TRPC5: variants seen among roughly 807,000 people sequenced by gnomAD.
TRPC5 encodes the protein short transient receptor potential channel 5.
TRPC5 carries 9 observed loss-of-function variants against 56.5 expected under a neutral mutation model. That is an observed-to-expected ratio of 0.16 (90% CI 0.10 to 0.28). TRPC5 has a LOEUF of 0.28. Ranked by LOEUF, TRPC5 falls within the 10% of genes least tolerant of loss-of-function variation. The pLI, the probability that TRPC5 is intolerant of heterozygous loss-of-function variation, is 1.00. For missense variants in TRPC5, 469 were observed against 748.9 expected, an observed-to-expected ratio of 0.63 and a Z score of 4.36; for synonymous variants, 282 against 278.5, an observed-to-expected ratio of 1.01 and a Z score of -0.13.
intron 3 of TRPC5, chrX:111,902,291 C>A: frequency 3.8e-6 from 2 of 531,207 alleles, no homozygotes; most frequent in South Asian, 4.4e-5. Context: ...TCTCATAGTT[C>A]TGCACATTTT....
chrX:112,041,188 G>T (rs1929882731), intron 1 of TRPC5, among the ~76,000 whole-genome samples: 1 of 112,176 alleles, frequency 8.9e-6, no homozygotes, highest in South Asian at 3.7e-4. Flanking sequence ...GAATTTGGGG[G>T]TGGCAGGCAC....
At chrX:111,869,217 G>C (rs1923649783) in intron 3 of TRPC5, among the ~76,000 whole-genome samples, 1 of 108,820 alleles carries the variant, frequency 9.2e-6, no homozygotes, top group African/African-American at 3.4e-5. Flanking sequence ...TTTGACAAAA[G>C]TTTAGGTCCA....
intron 1 of TRPC5, among the ~76,000 whole-genome samples, chrX:111,972,581 C>G (rs1927813917): frequency 8.9e-6 from 1 of 112,313 alleles, no homozygotes; most frequent in Non-Finnish European, 1.9e-5. Context: ...GCACTGCGTG[C>G]TTGGTGCGTG....
chrX:111,905,838 C>T (rs1925587149), intron 3 of TRPC5, among the ~76,000 whole-genome samples: 1 of 104,267 alleles, frequency 9.6e-6, no homozygotes, highest in African/African-American at 3.6e-5. Flanking sequence ...TGGCGTGAAC[C>T]TGGGAGGCGG....
At chrX:112,058,706 ACTTG>A (rs1930394483) in intron 1 of TRPC5, among the ~76,000 whole-genome samples, 1 of 112,142 alleles carries the variant, frequency 8.9e-6, no homozygotes, top group Admixed American at 9.4e-5. Flanking sequence ...AAGCGATGTG[ACTTG>A]CTTAAGATTT....
chrX:112,031,553 C>A (rs1389630634), intron 1 of TRPC5, among the ~76,000 whole-genome samples: 2 of 110,876 alleles, frequency 1.8e-5, no homozygotes, highest in Non-Finnish European at 3.8e-5. Context: ...AAAAAATAAA[C>A]ATTTAAAATA....
chrX:111,976,686 A>C (rs999137479), intron 1 of TRPC5, among the ~76,000 whole-genome samples: 3 of 111,257 alleles, frequency 2.7e-5, no homozygotes, highest in African/African-American at 9.8e-5. Flanking sequence ...GGAAAGGAAG[A>C]AGTAAAATTA....
chrX:111,873,668 C>T (rs1209764052), intron 3 of TRPC5, among the ~76,000 whole-genome samples: 1 of 110,613 alleles, frequency 9.0e-6, no homozygotes, highest in East Asian at 2.8e-4. Flanking sequence ...CCTGTAATCC[C>T]AGCTACTAGG....
At chrX:111,899,777 CA>C (rs1242104103) in intron 3 of TRPC5, among the ~76,000 whole-genome samples, 9 of 111,274 alleles carry the variant, frequency 8.1e-5, no homozygotes, top group Non-Finnish European at 1.5e-4. Context: ...AAATAAATGC[CA>C]AATTCCTTTC....
At chrX:112,072,137 C>T (rs909976049) in intron 1 of TRPC5, among the ~76,000 whole-genome samples, 2 of 112,008 alleles carry the variant, frequency 1.8e-5, no homozygotes, top group African/African-American at 6.5e-5. Flanking sequence ...TAACGAGGAG[C>T]ACGAACTTTG....
chrX:111,899,401 T>A (rs1212674707), intron 3 of TRPC5, among the ~76,000 whole-genome samples: 1 of 111,597 alleles, frequency 9.0e-6, no homozygotes. Flanking sequence ...TATTCCAATT[T>A]TTTTCCAGTT....
At chrX:111,992,950 G>A (rs1010784844) in intron 1 of TRPC5, among the ~76,000 whole-genome samples, 5 of 110,199 alleles carry the variant, frequency 4.5e-5, no homozygotes, top group South Asian at 3.9e-4. Flanking sequence ...TGTGCACAAC[G>A]TGCAGGTTTG....
rs1042070735 is a variant in TRPC5 at position 111,771,113 on chromosome X, G to T, written c.*5200C>A. 9.0e-6 allele frequency among the ~76,000 whole-genome samples: 1 copy of T among 111,507 alleles called. No homozygotes were observed. Among genetic ancestry groups the T allele is most frequent in the Admixed American group, 9.6e-5 (1 of 10,468 alleles). The stretch of plus-strand genomic sequence containing the variant: ...TGGAGTTATAAAGAAAGTTCTTTGA[G>T]GGGGAGGAGGGTAGGACAGATACAT... On this transcript the variant is annotated 3_prime_UTR_variant, in exon 11 of 11. Transcript: ENST00000262839.
chrX:112,004,630 C>G (rs111664177), intron 1 of TRPC5, among the ~76,000 whole-genome samples: 9,629 of 111,226 alleles, frequency 0.087, 643 homozygotes, highest in African/African-American at 0.23. Context: ...GAGATGGATC[C>G]CAGCAAGTTG....
At chrX:111,820,962 A>G (rs1922013303) in intron 7 of TRPC5, among the ~76,000 whole-genome samples, 3 of 111,544 alleles carry the variant, frequency 2.7e-5, no homozygotes, top group African/African-American at 9.8e-5. Flanking sequence ...ATAACCTCCT[A>G]GAATATCCAT....
intron 7 of TRPC5, among the ~76,000 whole-genome samples, chrX:111,834,361 T>G (rs1922502941): frequency 9.0e-6 from 1 of 111,120 alleles, no homozygotes; most frequent in African/African-American, 3.3e-5. Flanking sequence ...GAGGCTGAGG[T>G]GGGAGGATCA....
chrX:111,973,969 C>T (rs759058858), intron 1 of TRPC5, among the ~76,000 whole-genome samples: 62 of 110,828 alleles, frequency 5.6e-4, no homozygotes, highest in Non-Finnish European at 1.1e-3. Flanking sequence ...ACTGTTCTGT[C>T]GACAGTTTAG....
intron 1 of TRPC5, among the ~76,000 whole-genome samples, chrX:111,998,573 A>G (rs944256658): frequency 9.8e-5 from 11 of 112,199 alleles, no homozygotes; most frequent in Admixed American, 4.7e-4. Context: ...AGCCCTCTGT[A>G]TCCACGGATT....
chrX:111,941,007 G>C (rs1926762733), intron 2 of TRPC5, among the ~76,000 whole-genome samples: 1 of 112,045 alleles, frequency 8.9e-6, no homozygotes, highest in Admixed American at 9.5e-5. Context: ...TAAATGTTAA[G>C]TCTCCACCCT....
Sources: allele counts gnomAD v4.1 joint callset (sites outside exome capture counted in the v4.1 genomes callset), GRCh38; gene constraint gnomAD v4.1.1; transcripts MANE v1.5; gene names NCBI Gene and HGNC (gene_info 2026-07-23, HGNC 2026-07-21).